L3MBTL4: variants seen among roughly 807,000 people sequenced by gnomAD.
L3MBTL4 encodes L3MBTL histone methyl-lysine binding protein 4.
Under a neutral mutation model 84.5 loss-of-function variants are expected in L3MBTL4, and 70 were observed. The observed-to-expected ratio is 0.83, with a 90% confidence interval of 0.68 to 1.01. L3MBTL4 has a LOEUF of 1.01. Ranked by LOEUF, L3MBTL4 falls within the 50% of genes least tolerant of loss-of-function variation. The pLI is 0.00. For missense variants in L3MBTL4, 715 were observed against 754.8 expected, an observed-to-expected ratio of 0.95 and a Z score of 0.62; for synonymous variants, 274 against 259.8, an observed-to-expected ratio of 1.05 and a Z score of -0.52.
chr18:6,207,686 C>T (rs1199260402), intron 12 of L3MBTL4, among the ~76,000 whole-genome samples: 1 of 152,128 alleles, frequency 6.6e-6, no homozygotes, highest in Admixed American at 6.5e-5. Flanking sequence ...AGTCTCCTTC[C>T]CAAATGAAGA....
chr18:6,261,526 C>T (rs2086258692), intron 5 of L3MBTL4, among the ~76,000 whole-genome samples: 1 of 152,166 alleles, frequency 6.6e-6, no homozygotes, highest in African/African-American at 2.4e-5. Flanking sequence ...TCTGTATGTC[C>T]CACAACGTTG....
At chr18:6,071,842 G>GAAAGGAAAGAAAGAAAGAGAGAA (rs1568067491) in intron 16 of L3MBTL4, among the ~76,000 whole-genome samples, 37 of 100,916 alleles carry the variant, frequency 3.7e-4, no homozygotes, top group Admixed American at 8.0e-4. Context: ...GAAAGAGAAA[G>GAAAGGAAAGAAAGAAAGAGAGAA]AGAGAGAGGG....
intron 1 of L3MBTL4, among the ~76,000 whole-genome samples, chr18:6,385,072 A>T (rs574913901): frequency 6.6e-6 from 1 of 152,246 alleles, no homozygotes; most frequent in Admixed American, 6.5e-5. Context: ...TCAAAGCAAA[A>T]TATCTCACTA....
Position 5,955,360 on chromosome 18 carries a change from G to A in L3MBTL4, c.*860C>T, listed in dbSNP as rs1007095059. The A allele has an allele frequency of 6.6e-6, 1 of 152,276 alleles. No individual in the cohort carries two copies. The highest frequency in any genetic ancestry group is 2.4e-5 in the African/African-American group (1 of 41,462). 9.4% of individuals were successfully genotyped at this position (152,276 alleles called of 1,614,324 possible). On this transcript the variant is annotated 3_prime_UTR_variant, in exon 19 of 19. Transcript: ENST00000317931. ...CACAGCTCCTTATTACAGGGGTTCT[G>A]GCAGACTGCAGTGGAAATGAGTCAA...
chr18:6,207,659 C>T (rs1036463228), intron 12 of L3MBTL4, among the ~76,000 whole-genome samples: 6 of 152,160 alleles, frequency 3.9e-5, no homozygotes, highest in African/African-American at 1.4e-4. Flanking sequence ...GGTCATAACA[C>T]TTCTGAAAAT....
Position 6,203,302 on chromosome 18 carries a change from G to A in L3MBTL4, c.981+9847C>T, listed in dbSNP as rs556452925. On this transcript the variant is annotated intron_variant, in intron 12 of 18. Transcript: ENST00000317931. ...AAACGCTGATTGAGGTAGGATAGCC[G>A]ACTCCTCCCACATCATCCAGCCCAG... is the stretch of plus-strand genomic sequence containing the variant. Among the ~76,000 whole-genome samples the A allele has an allele frequency of 1.1e-4, 16 of 152,274 alleles. No individual in the cohort carries two copies. The South Asian group carries it at 2.1e-3, about 20-fold the overall frequency.
chr18:6,201,359 C>T (rs1043368984), intron 12 of L3MBTL4, among the ~76,000 whole-genome samples: 3 of 152,082 alleles, frequency 2.0e-5, no homozygotes, highest in African/African-American at 7.2e-5. Context: ...TTTCTCCTTT[C>T]CCAGTGAACG....
intron 3 of L3MBTL4, among the ~76,000 whole-genome samples, chr18:6,306,259 T>A (rs1163980245): frequency 6.6e-6 from 1 of 152,238 alleles, no homozygotes; most frequent in East Asian, 1.9e-4. Flanking sequence ...AAGAAATTTG[T>A]GGGACTTTTC....
In L3MBTL4 at chr18:6,220,771, T is replaced by A. The variant is rs958948082; in HGVS notation, c.785-4936A>T. On this transcript the variant is annotated intron_variant, in intron 10 of 18. Transcript: ENST00000317931. ...AAATATATTTCCTGAAACATTTACA[T>A]TTTACATTTTGGTGGCCAAGAATGA... Among the ~76,000 whole-genome samples the A allele has an allele frequency of 1.3e-4, 20 of 152,314 alleles. No individual in the cohort carries two copies. The East Asian group carries it at 2.7e-3, about 21-fold the overall frequency.
At chr18:6,370,574 C>G (rs2054118984) in intron 1 of L3MBTL4, among the ~76,000 whole-genome samples, 1 of 152,170 alleles carries the variant, frequency 6.6e-6, no homozygotes, top group Non-Finnish European at 1.5e-5. Context: ...AGCAGGTCCC[C>G]CCTCCCACCC....
chr18:6,151,502 C>T (rs1024310313), intron 13 of L3MBTL4, among the ~76,000 whole-genome samples: 1 of 152,192 alleles, frequency 6.6e-6, no homozygotes, highest in African/African-American at 2.4e-5. Flanking sequence ...AAGCACTTCT[C>T]CTGTCTCAGC....
chr18:6,411,644 C>T (rs926459158), intron 1 of L3MBTL4, among the ~76,000 whole-genome samples: 1 of 152,184 alleles, frequency 6.6e-6, no homozygotes, highest in South Asian at 2.1e-4. Context: ...GTTTCTCTCA[C>T]TGACTCCTTT....
chr18:6,386,576 T>A (rs909467176), intron 1 of L3MBTL4, among the ~76,000 whole-genome samples: 1 of 152,186 alleles, frequency 6.6e-6, no homozygotes, highest in African/African-American at 2.4e-5. Flanking sequence ...CAGGTTGTGA[T>A]GAGTGCTAAT....
chr18:6,071,761 AAAAGAAAGAAAG>A (rs201841975), intron 16 of L3MBTL4, among the ~76,000 whole-genome samples: 57 of 92,198 alleles, frequency 6.2e-4, no homozygotes, highest in East Asian at 6.1e-3. Flanking sequence ...AAGAAAGAAA[AAAAGAAAGAAAG>A]AAAGAAAGAA....
At chr18:6,390,515 A>C (rs1452502166) in intron 1 of L3MBTL4, among the ~76,000 whole-genome samples, 2 of 152,160 alleles carry the variant, frequency 1.3e-5, no homozygotes, top group Non-Finnish European at 2.9e-5. Flanking sequence ...ACAAAGATAC[A>C]AAAGATCAAT....
intron 8 of L3MBTL4, 63 bp from the exon 9 acceptor site, chr18:6,239,935 CACTGTCAAA>C: frequency 6.4e-7 from 1 of 1,573,248 alleles, no homozygotes; most frequent in Admixed American, 1.7e-5. Flanking sequence ...AGGACTGAGC[CACTGTCAAA>C]ACTTCTATGT....
At chr18:6,265,151 TTAAA>T (rs1568406166) in intron 4 of L3MBTL4, among the ~76,000 whole-genome samples, 1 of 152,232 alleles carries the variant, frequency 6.6e-6, no homozygotes, top group Non-Finnish European at 1.5e-5. Context: ...GTGTAATAGA[TTAAA>T]TAAGACTAAA....
At chr18:6,169,406 A>G (rs550223975) in intron 13 of L3MBTL4, among the ~76,000 whole-genome samples, 2 of 152,318 alleles carry the variant, frequency 1.3e-5, no homozygotes, top group African/African-American at 4.8e-5. Flanking sequence ...ACTATTCACA[A>G]TAGCAAAGAC....
At chr18:6,324,735 C>G (rs968741391) in intron 1 of L3MBTL4, among the ~76,000 whole-genome samples, 4 of 146,038 alleles carry the variant, frequency 2.7e-5, no homozygotes, top group Non-Finnish European at 6.0e-5. Flanking sequence ...ACCATGCAGT[C>G]AAGCCCAGCC....
Sources: gnomAD v4.1 joint callset for allele counts (sites outside exome capture counted in the v4.1 genomes callset) on GRCh38, gnomAD v4.1.1 for gene constraint, MANE v1.5 for transcripts, NCBI Gene and HGNC (gene_info 2026-07-23, HGNC 2026-07-21) for gene names.